MEG3: variants seen among roughly 807,000 people sequenced by gnomAD.
MEG3 encodes the protein Very putative protein from MEG3 locus.
At chr14:100,833,663 C>T (rs1479873062), downstream of MEG3, 1 of 152,232 alleles carries the variant, frequency 6.6e-6, no homozygotes, top group Non-Finnish European at 1.5e-5. Flanking sequence ...CCCTAGAGCC[C>T]ATAATTCTTT....
chr14:100,842,538 A>G lies in MEG3; in HGVS notation n.3046-2920A>G, dbSNP rs140518128. Among the ~76,000 whole-genome samples, 392 of 152,330 alleles carry G rather than the reference A, an allele frequency of 2.6e-3. 1 individual carries two copies. The highest frequency in any genetic ancestry group is 6.9e-3 in the African/African-American group (289 of 41,584). On this transcript the variant is annotated intron_variant and non_coding_transcript_variant, in intron 2 of 3. Transcript: ENST00000398461. ...GCTCTGCAAAGAGCTTGCATTTGTC[A>G]GGGGAAGTTGTAAGGGGGTGGTGTT...
exon 1 of MEG3, chr14:100,835,143 C>A: frequency 3.4e-6 from 1 of 294,394 alleles, no homozygotes; most frequent in Non-Finnish European, 6.7e-6. Flanking sequence ...CAGGGCTCTG[C>A]TCTGGTCGGA....
chr14:100,852,285 AGGAG>A (rs2038104470), upstream of MEG3: 1 of 523,392 alleles, frequency 1.9e-6, no homozygotes, highest in Non-Finnish European at 3.9e-6. Context: ...CAGGATATGA[AGGAG>A]GGAGGGAGGC....
intron 1 of MEG3, among the ~76,000 whole-genome samples, chr14:100,828,094 G>A (rs1459639362): frequency 6.6e-6 from 1 of 152,040 alleles, no homozygotes; most frequent in Non-Finnish European, 1.5e-5. Context: ...GCGACCTGGC[G>A]CGGTGGCCTG....
chr14:100,843,833 G>GTTTTTTTTT lies in MEG3; in HGVS notation n.3046-1609_3046-1601dup, dbSNP rs11307044. Among the ~76,000 whole-genome samples, 9 of 70,744 alleles carry GTTTTTTTTT rather than the reference G, an allele frequency of 1.3e-4. 1 individual carries two copies. Among genetic ancestry groups the GTTTTTTTTT allele is most frequent in the Non-Finnish European group, 2.3e-4 (9 of 39,220 alleles). 46.4% of individuals were successfully genotyped at this position (70,744 alleles called of 152,430 possible). A position where few individuals can be genotyped will look rare whatever the true frequency, so the allele number is the denominator to read the frequency against. On this transcript the variant is annotated intron_variant and non_coding_transcript_variant, in intron 2 of 3. Coordinates refer to the MEG3 transcript ENST00000398461. Reference sequence around the variant, plus strand: ...TGGAGTCAGGTGTCTCCCGGGACCTGTTTTTTTTTTTTTTTTTTTTTTTTG... The same window carrying GTTTTTTTTT: ...TGGAGTCAGGTGTCTCCCGGGACCTGTTTTTTTTTTTTTTTTTTTTTTTTTTTTTTTTTG...
At chr14:100,844,399 A>G (rs2037851130) in intron 2 of MEG3, among the ~76,000 whole-genome samples, 1 of 152,078 alleles carries the variant, frequency 6.6e-6, no homozygotes, top group Admixed American at 6.5e-5. Context: ...CCTTTCTATG[A>G]CGCCTCCTCA....
chr14:100,840,656 G>A (rs1359868791), intron 2 of MEG3, among the ~76,000 whole-genome samples: 1 of 152,190 alleles, frequency 6.6e-6, no homozygotes, highest in East Asian at 1.9e-4. Context: ...CACTGGGTTC[G>A]CGCGACCCTG....
chr14:100,829,422 C>T (rs2037337099), downstream of MEG3: 1 of 152,246 alleles, frequency 6.6e-6, no homozygotes, highest in Non-Finnish European at 1.5e-5. Context: ...GGCCAGCATC[C>T]TGCTGGCAAC....
At chr14:100,842,658 C>T (rs2037796072) in intron 2 of MEG3, among the ~76,000 whole-genome samples, 1 of 152,166 alleles carries the variant, frequency 6.6e-6, no homozygotes, top group Non-Finnish European at 1.5e-5. Context: ...TAATAAAAGT[C>T]ATCCTTTTAG....
Position 100,845,474 on chromosome 14 carries a change from G to T in MEG3, n.3062G>T. On this transcript the variant is annotated non_coding_transcript_exon_variant, in exon 3 of 4. Transcript: ENST00000398461. This position sits in a 1 kb window ranked among gnomAD's most constrained non-coding sequence, Gnocchi z 5.2. ...TTGTTACAGCGGAAGCCATCACCTG[G>T]ATGCCTACGTGGGAAGGGACCTCGA... 2.2e-6 allele frequency: 1 copy of T among 456,836 alleles called. No homozygotes were observed. The highest frequency in any genetic ancestry group is 1.5e-5 in the South Asian group (1 of 64,566). The allele number at this position is 456,836 out of a possible 1,614,324, so 28.3% of individuals were successfully genotyped here. A position where few individuals can be genotyped will look rare whatever the true frequency, so the allele number is the denominator to read the frequency against.
At chr14:100,840,036 C>T (rs747232620) in intron 2 of MEG3, among the ~76,000 whole-genome samples, 3 of 152,160 alleles carry the variant, frequency 2.0e-5, no homozygotes, top group South Asian at 4.1e-4. Context: ...GAGCCCTTGG[C>T]GATCGTGGGC....
At chr14:100,860,269 C>G (rs2038366615) in exon 1 of MEG3, 1 of 226,816 alleles carries the variant, frequency 4.4e-6, no homozygotes, top group Non-Finnish European at 8.8e-6. Context: ...ATGTTTAGAG[C>G]CCTCAGGAGG....
chr14:100,848,395 G>A (rs1455024913), intron 3 of MEG3: 1 of 152,176 alleles, frequency 6.6e-6, no homozygotes, highest in Non-Finnish European at 1.5e-5. Flanking sequence ...TTCGAGAAGT[G>A]TAAAAATAAG....
At chr14:100,827,365 T>TC (rs1193536047) in intron 1 of MEG3, 4 of 151,862 alleles carry the variant, frequency 2.6e-5, no homozygotes, top group Non-Finnish European at 4.4e-5. Context: ...TGGCCTTTGT[T>TC]CTCCTGATGG....
chr14:100,840,041 G>A (rs991874914), intron 2 of MEG3, among the ~76,000 whole-genome samples: 4 of 152,312 alleles, frequency 2.6e-5, no homozygotes, highest in Middle Eastern at 3.4e-3. Flanking sequence ...CTTGGCGATC[G>A]TGGGCGGCCC....
exon 1 of MEG3, chr14:100,834,432 T>C (rs1351491473): frequency 3.6e-6 from 1 of 277,530 alleles, no homozygotes; most frequent in Non-Finnish European, 7.1e-6. Flanking sequence ...CTAAAAACTT[T>C]CAAAAGTTAA....
chr14:100,840,862 A>G (rs1446513482), intron 2 of MEG3, among the ~76,000 whole-genome samples: 2 of 152,228 alleles, frequency 1.3e-5, no homozygotes, highest in Non-Finnish European at 2.9e-5. Context: ...GTCGGGGGCC[A>G]AAGGCTGACC....
At chr14:100,841,853 T>C (rs1339289331) in intron 2 of MEG3, among the ~76,000 whole-genome samples, 1 of 152,168 alleles carries the variant, frequency 6.6e-6, no homozygotes, top group African/African-American at 2.4e-5. Flanking sequence ...AACCAGGAGA[T>C]GTTCGTTCCC....
At chr14:100,836,241 CCA>C (rs2037574719) in exon 2 of MEG3, 1 of 456,538 alleles carries the variant, frequency 2.2e-6, no homozygotes, top group African/African-American at 2.0e-5. Context: ...CTGATGGGGC[CCA>C]CCATCCCGGA....
Sources: allele counts gnomAD v4.1 joint callset (sites outside exome capture counted in the v4.1 genomes callset), GRCh38; gene constraint gnomAD v4.1.1; non-coding constraint Gnocchi (gnomAD v3.1); transcripts MANE v1.5; gene names NCBI Gene and HGNC (gene_info 2026-07-23, HGNC 2026-07-21).